Variants in AAMDC observed in about 807,000 individuals in gnomAD.
The protein encoded by AAMDC is mth938 domain-containing protein.
AAMDC carries 16 observed loss-of-function variants against 15.5 expected under a neutral mutation model. The observed-to-expected ratio is 1.03, with a 90% confidence interval of 0.70 to 1.57. AAMDC has a LOEUF of 1.57. Ranked by LOEUF, AAMDC falls within the 40% of genes most tolerant of loss-of-function variation. AAMDC has a pLI of 0.00. For missense variants in AAMDC, 141 were observed against 144.9 expected (o/e 0.97, Z 0.14); for synonymous variants, 51 against 51.6 (o/e 0.99, Z 0.05).
chr11:77,882,313 G>C (rs187482525), intron 5 of AAMDC, among the ~76,000 whole-genome samples: 1 of 152,252 alleles, frequency 6.6e-6, no homozygotes, highest in East Asian at 1.9e-4. Flanking sequence ...ATGGGGCCTA[G>C]GAAAAAGAAC....
intron 2 of AAMDC, among the ~76,000 whole-genome samples, chr11:77,848,514 C>T (rs1270117242): frequency 6.6e-6 from 1 of 152,092 alleles, no homozygotes; most frequent in East Asian, 1.9e-4. Context: ...CCCACCACCT[C>T]ACTTGGCTAA....
downstream of AAMDC, among the ~76,000 whole-genome samples, chr11:77,902,192 C>G (rs1952799467): frequency 3.9e-5 from 6 of 152,144 alleles, no homozygotes; most frequent in Admixed American, 3.9e-4. Flanking sequence ...GGCAATAAGA[C>G]AAGTTAAATT....
chr11:77,883,792 G>A, intron 5 of AAMDC: 1 of 1,604,254 alleles, frequency 6.2e-7, no homozygotes, highest in Non-Finnish European at 8.5e-7. Context: ...GTGATCTCCA[G>A]CAGCATATTT....
At chr11:77,892,273 C>G (rs1438075870) in intron 5 of AAMDC, among the ~76,000 whole-genome samples, 1 of 152,152 alleles carries the variant, frequency 6.6e-6, no homozygotes, top group East Asian at 1.9e-4. Flanking sequence ...GTGGCAGAAA[C>G]ACTGAGACTC....
intron 1 of AAMDC, among the ~76,000 whole-genome samples, chr11:77,832,951 ATGTGTGTGTGTGTGTGTGTGTGTGTGTG>A (rs146936151): frequency 2.9e-5 from 2 of 68,416 alleles, no homozygotes; most frequent in South Asian, 5.0e-4. Flanking sequence ...GTATATATAT[ATGTGTGTGTGTGTGTGTGTGTGTGTGTG>A]TGTGTGTGTG....
downstream of AAMDC, among the ~76,000 whole-genome samples, chr11:77,902,221 C>CT (rs1435481686): frequency 6.6e-6 from 1 of 152,062 alleles, no homozygotes; most frequent in African/African-American, 2.4e-5. Flanking sequence ...GTCTCAATCC[C>CT]TTTCTGTAAA....
chr11:77,902,975 G>A (rs1260124468), downstream of AAMDC, among the ~76,000 whole-genome samples: 2 of 152,184 alleles, frequency 1.3e-5, no homozygotes, highest in African/African-American at 4.8e-5. Flanking sequence ...TCACCATGTT[G>A]GCCAGGCCGG....
intron 2 of AAMDC, among the ~76,000 whole-genome samples, chr11:77,863,572 A>G (rs1950977659): frequency 6.6e-6 from 1 of 152,120 alleles, no homozygotes; most frequent in Non-Finnish European, 1.5e-5. Context: ...TAATTTTAGT[A>G]GAGACAGGGT....
At chr11:77,867,898 T>G (rs911586564) in intron 2 of AAMDC, among the ~76,000 whole-genome samples, 1 of 152,070 alleles carries the variant, frequency 6.6e-6, no homozygotes, top group Non-Finnish European at 1.5e-5. Context: ...ATTAGGAAGT[T>G]CAGAAAAAAA....
intron 1 of AAMDC, among the ~76,000 whole-genome samples, chr11:77,826,002 T>C (rs1251328764): frequency 1.3e-5 from 2 of 152,170 alleles, no homozygotes; most frequent in Non-Finnish European, 2.9e-5. Context: ...CCATCTTTTT[T>C]TGAGACTTAT....
chr11:77,827,421 T>C (rs1412498537), intron 1 of AAMDC, among the ~76,000 whole-genome samples: 2 of 151,972 alleles, frequency 1.3e-5, no homozygotes, highest in African/African-American at 2.4e-5. Flanking sequence ...CAACCACATA[T>C]AAAAAGGATT....
intron 2 of AAMDC, among the ~76,000 whole-genome samples, chr11:77,847,523 C>A (rs1239772752): frequency 1.3e-5 from 2 of 151,958 alleles, no homozygotes; most frequent in Admixed American, 6.6e-5. Flanking sequence ...ATGGAATATA[C>A]CTAGATTGGT....
chr11:77,864,496 T>TA (rs2136272846), intron 2 of AAMDC, among the ~76,000 whole-genome samples: 1 of 152,262 alleles, frequency 6.6e-6, no homozygotes, highest in East Asian at 1.9e-4. Flanking sequence ...AGAACCAGAT[T>TA]AATTAGTTGC....
intron 1 of AAMDC, chr11:77,841,386 T>C: frequency 1.7e-6 from 1 of 595,432 alleles, no homozygotes; most frequent in South Asian, 2.1e-5. Flanking sequence ...CTTGATTTTA[T>C]TCTTAAACCC....
At chr11:77,852,461 C>A (rs1950436724) in intron 2 of AAMDC, among the ~76,000 whole-genome samples, 1 of 152,076 alleles carries the variant, frequency 6.6e-6, no homozygotes, top group African/African-American at 2.4e-5. Flanking sequence ...ATGACAGTCA[C>A]TTGCTGTTCA....
chr11:77,870,805 C>T (rs1390944993), intron 3 of AAMDC, among the ~76,000 whole-genome samples: 2 of 152,178 alleles, frequency 1.3e-5, no homozygotes, highest in Non-Finnish European at 2.9e-5. Context: ...TACACACTTA[C>T]ACATATAGAT....
intron 2 of AAMDC, among the ~76,000 whole-genome samples, chr11:77,845,398 T>G (rs991787506): frequency 6.6e-6 from 1 of 152,098 alleles, no homozygotes; most frequent in Non-Finnish European, 1.5e-5. Context: ...TTTCCATCAT[T>G]GTACTTTCCA....
At chr11:77,902,506 G>C (rs957574281), downstream of AAMDC, among the ~76,000 whole-genome samples, 1 of 152,152 alleles carries the variant, frequency 6.6e-6, no homozygotes, top group African/African-American at 2.4e-5. Context: ...CTGGGTATCA[G>C]AGGATCTGGT....
chr11:77,869,958 C>T (rs1951335399), intron 3 of AAMDC, 141 bp downstream of exon 3: 1 of 681,136 alleles, frequency 1.5e-6, no homozygotes, highest in Non-Finnish European at 2.6e-6. Context: ...AGTGGCTGCA[C>T]ACATTCCTCT....
Sources: allele counts gnomAD v4.1 joint callset (sites outside exome capture counted in the v4.1 genomes callset), GRCh38; gene constraint gnomAD v4.1.1; transcripts MANE v1.5; gene names NCBI Gene and HGNC (gene_info 2026-07-23, HGNC 2026-07-21).